ABHD3: variants seen among roughly 807,000 people sequenced by gnomAD.
ABHD3 encodes abhydrolase domain containing 3, phospholipase.
A neutral mutation model predicts 48.8 loss-of-function variants in ABHD3; 46 were observed. That is an observed-to-expected ratio of 0.94 (90% CI 0.74 to 1.20). The LOEUF (loss-of-function observed/expected upper bound fraction) is 1.20, where lower values mean the gene tolerates loss of function less well. ABHD3 is among the 50% of genes most tolerant of loss of function. The pLI, the probability that ABHD3 is intolerant of heterozygous loss-of-function variation, is 0.00. For synonymous variants in ABHD3, 192 were observed against 183.7 expected (o/e 1.04, Z -0.36); for missense variants, 490 against 497.8 (o/e 0.98, Z 0.15).
At chr18:21,703,518 TAAGC>T (rs1341646668) in intron 2 of ABHD3, 62 bp downstream of exon 2, 2 of 1,556,950 alleles carry the variant, frequency 1.3e-6, no homozygotes, top group African/African-American at 1.4e-5. Context: ...GAACTGGGAA[TAAGC>T]AAGCAAGCAA....
Position 21,660,130 on chromosome 18 carries a change from TAA to T in ABHD3, c.669-789_669-788del, listed in dbSNP as rs34163742. ...GTGTCCGCCATCAAACACAGCTAAT[TAA>T]AAAAAAAAAAAAAAATTTTTTTTTT... On this transcript the variant is annotated intron_variant, in intron 5 of 8. Transcript: ENST00000289119. 4.7e-4 allele frequency among the ~76,000 whole-genome samples: 58 copies of T among 122,330 alleles called. 1 individual carries two copies. The South Asian group carries it at 7.0e-3, about 15-fold the overall frequency. 80.3% of individuals were successfully genotyped at this position (122,330 alleles called of 152,430 possible). A position where few individuals can be genotyped will look rare whatever the true frequency, so the allele number is the denominator to read the frequency against.
intron 4 of ABHD3, among the ~76,000 whole-genome samples, chr18:21,675,567 T>G (rs1486901487): frequency 6.6e-6 from 1 of 151,792 alleles, no homozygotes; most frequent in Non-Finnish European, 1.5e-5. Context: ...GCACCCAGCC[T>G]GAGGTGGTTT....
chr18:21,682,451 C>T (rs1372182952), intron 4 of ABHD3: 1 of 152,232 alleles, frequency 6.6e-6, no homozygotes, highest in Non-Finnish European at 1.5e-5. Context: ...TACTCTTTCC[C>T]TTTGTGCTCT....
At chr18:21,660,260 G>C (rs1350520541) in intron 5 of ABHD3, among the ~76,000 whole-genome samples, 5 of 149,662 alleles carry the variant, frequency 3.3e-5, no homozygotes, top group African/African-American at 1.2e-4. Context: ...CTGAGAGATT[G>C]TGAGTTAACT....
chr18:21,691,804 T>C (rs2040257878), intron 3 of ABHD3, among the ~76,000 whole-genome samples: 1 of 152,174 alleles, frequency 6.6e-6, no homozygotes, highest in Non-Finnish European at 1.5e-5. Context: ...GCAACAATCA[T>C]GGGATTGGAA....
At chr18:21,658,535 T>C (rs527544040) in intron 6 of ABHD3, among the ~76,000 whole-genome samples, 4 of 152,208 alleles carry the variant, frequency 2.6e-5, no homozygotes, top group Non-Finnish European at 5.9e-5. Flanking sequence ...TAATTTAGAA[T>C]GGTGATTAGA....
chr18:21,682,445 C>T (rs961910975), intron 4 of ABHD3: 2 of 152,336 alleles, frequency 1.3e-5, no homozygotes, highest in African/African-American at 4.8e-5. Flanking sequence ...CTTTGTTACT[C>T]TTTCCCTTTG....
Position 21,651,320 on chromosome 18 carries a change from G to T in ABHD3, c.*271C>A, listed in dbSNP as rs144096105. ...TTTTACACAATAGTTTTGGTTAAGTGCAATTTCATGTACATACTACTTTGT... is the reference window on the plus strand; with the variant it reads ...TTTTACACAATAGTTTTGGTTAAGTTCAATTTCATGTACATACTACTTTGT... On this transcript the variant is annotated 3_prime_UTR_variant, in exon 9 of 9. Coordinates refer to ENST00000289119, the MANE Select transcript of ABHD3 (RefSeq NM_138340.5). 6.9e-3 allele frequency: 1,648 copies of T among 238,940 alleles called. 6 individuals are homozygous for T. The highest frequency in any genetic ancestry group is 0.025 in the Middle Eastern group (19 of 770). The allele number at this position is 238,940 out of a possible 1,614,324, so 14.8% of individuals were successfully genotyped here.
chr18:21,693,753 TCC>T (rs1000359877), intron 3 of ABHD3, among the ~76,000 whole-genome samples: 3 of 152,304 alleles, frequency 2.0e-5, no homozygotes, highest in Admixed American at 2.0e-4. Context: ...ACTGCCTTAT[TCC>T]CAAAAGTTTA....
At chr18:21,674,666 G>T (rs1261033526) in intron 4 of ABHD3, among the ~76,000 whole-genome samples, 2 of 152,150 alleles carry the variant, frequency 1.3e-5, no homozygotes, top group African/African-American at 4.8e-5. Flanking sequence ...GCCTTCCTGG[G>T]TTGTTATATA....
At chr18:21,702,543 G>C (rs747783379) in intron 2 of ABHD3, 45 bp from the exon 3 acceptor site, 42 of 1,391,134 alleles carry the variant, frequency 3.0e-5, no homozygotes, top group Admixed American at 6.0e-5. Context: ...CATGTTTTAA[G>C]TCATGTCTTA....
intron 6 of ABHD3, among the ~76,000 whole-genome samples, chr18:21,657,536 G>A (rs2039386935): frequency 6.6e-6 from 1 of 151,580 alleles, no homozygotes; most frequent in Non-Finnish European, 1.5e-5. Context: ...TTTTGGTAGA[G>A]ATGGGGTTTT....
chr18:21,672,946 C>G (rs1945427097), intron 4 of ABHD3, among the ~76,000 whole-genome samples: 2 of 152,138 alleles, frequency 1.3e-5, no homozygotes. Flanking sequence ...ATATCCTGGC[C>G]AGCTTTGAGG....
chr18:21,703,967 T>G (rs1260491704), intron 1 of ABHD3: 1 of 543,366 alleles, frequency 1.8e-6, no homozygotes, highest in Non-Finnish European at 3.3e-6. Flanking sequence ...AGTTTGTTTG[T>G]TTTTAACTCC....
chr18:21,655,709 G>A (rs551647139), intron 8 of ABHD3, among the ~76,000 whole-genome samples: 54 of 151,438 alleles, frequency 3.6e-4, no homozygotes, highest in African/African-American at 1.2e-3. Context: ...GCATGGTGGC[G>A]GGCACCTGTA....
intron 4 of ABHD3, among the ~76,000 whole-genome samples, chr18:21,666,285 G>A (rs937579725): frequency 1.3e-5 from 2 of 151,852 alleles, no homozygotes; most frequent in Non-Finnish European, 2.9e-5. Flanking sequence ...CCTCTGCCTC[G>A]CGGGTTCAAG....
Position 21,704,599 on chromosome 18 carries a change from C to T in ABHD3, c.67G>A (p.Val23Ile), listed in dbSNP as rs1373907340. 1 of 1,554,934 alleles carries T rather than the reference C, an allele frequency of 6.4e-7. No individual in the cohort carries two copies. The highest frequency in any genetic ancestry group is 1.4e-5 in the African/African-American group (1 of 70,470). Reference protein sequence around the residue: ...RELSLYLEHQVRVGFFGSGVG... With the variant: ...RELSLYLEHQIRVGFFGSGVG... ...CCCGAGCCGAAGAACCCCACCCGGA[C>T]TTGGTGTTCCAGGTAGAGGGAGAGC... The change falls in exon 1 of 9, where the codon GTC (valine) becomes ATC (isoleucine). Residue 23 changes from valine to isoleucine, a missense_variant. Physicochemically the swap from Val to Ile is conservative, Grantham distance 29 (BLOSUM62 3). Transcript: ENST00000289119.
chr18:21,688,010 A>C (rs1292416224), intron 3 of ABHD3, among the ~76,000 whole-genome samples: 2 of 152,230 alleles, frequency 1.3e-5, no homozygotes, highest in East Asian at 3.8e-4. Context: ...TAGGATGAGA[A>C]CCACTGTCAC....
intron 3 of ABHD3, among the ~76,000 whole-genome samples, chr18:21,688,276 G>C (rs556991642): frequency 5.1e-4 from 77 of 152,292 alleles, no homozygotes; most frequent in African/African-American, 1.8e-3. Flanking sequence ...AAATATTTCA[G>C]TTCTAAGATT....
Sources: allele counts gnomAD v4.1 joint callset (sites outside exome capture counted in the v4.1 genomes callset), GRCh38; gene constraint gnomAD v4.1.1; transcripts MANE v1.5; gene names NCBI Gene and HGNC (gene_info 2026-07-23, HGNC 2026-07-21).